The following PDK1 variants were observed in gnomAD, a reference collection of about 807,000 sequenced individuals.
The protein encoded by PDK1 is [Pyruvate dehydrogenase (acetyl-transferring)] kinase isozyme 1, mitochondrial.
Under a neutral mutation model 54.2 loss-of-function variants are expected in PDK1, and 39 were observed. That is an observed-to-expected ratio of 0.72 (90% CI 0.56 to 0.94). The LOEUF is 0.94. Ranked by LOEUF, PDK1 falls within the 40% of genes least tolerant of loss-of-function variation. The pLI is 0.00. For synonymous variants in PDK1, 221 were observed against 207.1 expected (o/e 1.07, Z -0.58); for missense variants, 552 against 566.0 (o/e 0.98, Z 0.25).
At position 172,581,515 on chromosome 2, in the gene PDK1, TAGAA is replaced by T. The variant is rs759500028; in HGVS notation, c.946-4760_946-4757del. On this transcript the variant is annotated intron_variant, in intron 8 of 10. Coordinates refer to ENST00000282077, the MANE Select transcript of PDK1 (RefSeq NM_002610.5). ...TTGAATAAAGCTGTTTAAAATAAAATAGAAAGGCTTGTAAAGGTCTCAAAAAGAC... is the reference window on the plus strand; with the variant it reads ...TTGAATAAAGCTGTTTAAAATAAAATAGGCTTGTAAAGGTCTCAAAAAGAC... 4.6e-5 allele frequency among the ~76,000 whole-genome samples: 7 copies of T among 152,174 alleles called. No individual in the cohort carries two copies. The South Asian group carries it at 1.0e-3, about 22-fold the overall frequency.
chr2:172,614,357 T>A, the PDK1 span, among the ~76,000 whole-genome samples: 1 of 152,218 alleles, frequency 6.6e-6, no homozygotes, highest in African/African-American at 2.4e-5. Context: ...TCTTCCGTGC[T>A]GCTCATGGCT....
chr2:172,571,104 C>T (rs1689227614), intron 8 of PDK1, among the ~76,000 whole-genome samples: 2 of 152,034 alleles, frequency 1.3e-5, no homozygotes, highest in Non-Finnish European at 2.9e-5. Flanking sequence ...TAAGTAAGAT[C>T]TAAAATATTT....
chr2:172,571,721 A>G (rs1277196224), intron 8 of PDK1, among the ~76,000 whole-genome samples: 2 of 151,672 alleles, frequency 1.3e-5, no homozygotes, highest in African/African-American at 4.8e-5. Flanking sequence ...TCATTTAAAA[A>G]TTTATATTAA....
the PDK1 span, among the ~76,000 whole-genome samples, chr2:172,672,641 G>GA: frequency 6.6e-6 from 1 of 150,998 alleles, no homozygotes; most frequent in Non-Finnish European, 1.5e-5. Flanking sequence ...TAAAAAACAA[G>GA]ATGCTTTTCT....
chr2:172,558,842 C>G lies in PDK1; in HGVS notation c.331C>G (p.Gln111Glu). ...CAGGACACCATCCGTTCAATTGGTA[C>G]AAAGCTGGTAAGATTCTCATCTTGT... ...LLRTPSVQLV[Q>E]SWYIQSLQEL... Residue 111 changes from glutamine (Q) to glutamate (E), a missense_variant, in exon 2 of 11, where the codon CAA becomes GAA. Gln to Glu is a conservative substitution (Grantham distance 29). Transcript: ENST00000282077. 6.2e-7 allele frequency: 1 copy of G among 1,610,194 alleles called. No homozygotes were observed. Among genetic ancestry groups the G allele is most frequent in the Non-Finnish European group, 8.5e-7 (1 of 1,178,724 alleles).
the PDK1 span, among the ~76,000 whole-genome samples, chr2:172,667,495 A>C: frequency 6.6e-6 from 1 of 152,184 alleles, no homozygotes. Flanking sequence ...TTGCATATGA[A>C]AGGTGCAAAC....
At chr2:172,660,170 A>G in the PDK1 span, among the ~76,000 whole-genome samples, 20 of 145,270 alleles carry the variant, frequency 1.4e-4, no homozygotes, top group African/African-American at 4.8e-4. Context: ...TAATGTCTGA[A>G]CAGATTAAAG....
chr2:172,715,335 A>G, the PDK1 span, among the ~76,000 whole-genome samples: 6 of 152,168 alleles, frequency 3.9e-5, no homozygotes, highest in Non-Finnish European at 5.9e-5. Flanking sequence ...AAGTTCTCAG[A>G]CAGCTCAGAT....
At chr2:172,719,023 C>T in the PDK1 span, among the ~76,000 whole-genome samples, 1 of 152,150 alleles carries the variant, frequency 6.6e-6, no homozygotes, top group Non-Finnish European at 1.5e-5. Context: ...GATCTATTTA[C>T]TGTCTTTATA....
chr2:172,562,429 C>T, intron 3 of PDK1, 138 bp downstream of exon 3: 1 of 651,534 alleles, frequency 1.5e-6, no homozygotes, highest in South Asian at 1.8e-5. Flanking sequence ...GGACAAATAA[C>T]AATCAGCAAA....
the PDK1 span, among the ~76,000 whole-genome samples, chr2:172,697,447 G>GC: frequency 6.6e-6 from 1 of 152,106 alleles, no homozygotes; most frequent in African/African-American, 2.4e-5. Flanking sequence ...TTCTTATGTG[G>GC]CTGTTGATTA....
At chr2:172,670,288 T>C in the PDK1 span, among the ~76,000 whole-genome samples, 2 of 152,296 alleles carry the variant, frequency 1.3e-5, no homozygotes, top group Middle Eastern at 3.4e-3. Flanking sequence ...AATTTTCATA[T>C]TCTAGGATCT....
At chr2:172,610,419 TG>T (rs201365624), downstream of PDK1, among the ~76,000 whole-genome samples, 4 of 152,000 alleles carry the variant, frequency 2.6e-5, no homozygotes, top group African/African-American at 9.7e-5. Flanking sequence ...GCCACCATGG[TG>T]GGGGGGCTCC....
At chr2:172,689,100 T>TCC in the PDK1 span, among the ~76,000 whole-genome samples, 1 of 152,196 alleles carries the variant, frequency 6.6e-6, no homozygotes, top group African/African-American at 2.4e-5. Flanking sequence ...CCTGTATTTG[T>TCC]CCCCACCCAT....
At chr2:172,703,007 T>C in the PDK1 span, among the ~76,000 whole-genome samples, 1 of 152,250 alleles carries the variant, frequency 6.6e-6, no homozygotes, top group Non-Finnish European at 1.5e-5. Flanking sequence ...TATTTTTGCA[T>C]GTGTGATTAA....
intron 8 of PDK1, among the ~76,000 whole-genome samples, chr2:172,583,281 GTTTTTTT>G (rs1175087926): frequency 4.3e-4 from 33 of 77,070 alleles, no homozygotes; most frequent in South Asian, 4.3e-3. Flanking sequence ...AAGTTTTCTG[GTTTTTTT>G]TTTTTTTTTT....
chr2:172,567,298 A>C (rs1299229615), intron 6 of PDK1, among the ~76,000 whole-genome samples: 1 of 152,210 alleles, frequency 6.6e-6, no homozygotes, highest in East Asian at 1.9e-4. Context: ...AGTTGTAAAT[A>C]ATTTTCTGTT....
the PDK1 span, among the ~76,000 whole-genome samples, chr2:172,616,064 G>T: frequency 6.6e-6 from 1 of 152,148 alleles, no homozygotes; most frequent in Non-Finnish European, 1.5e-5. Flanking sequence ...AGACCACATT[G>T]AGGTTCTATT....
At chr2:172,718,941 T>A in the PDK1 span, among the ~76,000 whole-genome samples, 2 of 152,352 alleles carry the variant, frequency 1.3e-5, no homozygotes, top group South Asian at 2.1e-4. Flanking sequence ...ATTCAAGATA[T>A]TGAACAGTTC....
Sources: allele counts gnomAD v4.1 joint callset (sites outside exome capture counted in the v4.1 genomes callset), GRCh38; gene constraint gnomAD v4.1.1; transcripts MANE v1.5; gene names NCBI Gene and HGNC (gene_info 2026-07-23, HGNC 2026-07-21).